Variants in TMBIM4 observed in about 807,000 individuals in gnomAD.
The protein encoded by TMBIM4 is protein lifeguard 4.
Under a neutral mutation model 27.7 loss-of-function variants are expected in TMBIM4, and 28 were observed. That is an observed-to-expected ratio of 1.01 (90% CI 0.75 to 1.38). TMBIM4 has a LOEUF of 1.38. Among genes scored for constraint, TMBIM4 ranks in the 40% most tolerant of loss-of-function variants. The pLI is 0.00. For synonymous variants in TMBIM4, 115 were observed against 113.1 expected (o/e 1.02, Z -0.11); for missense variants, 265 against 277.5 (o/e 0.95, Z 0.32).
At chr12:66,139,878 A>T (rs1354658366) in intron 5 of TMBIM4, among the ~76,000 whole-genome samples, 1 of 152,208 alleles carries the variant, frequency 6.6e-6, no homozygotes, top group East Asian at 1.9e-4. Flanking sequence ...AAGACCTCGT[A>T]AGACATGCAC....
chr12:66,137,914 A>G lies in TMBIM4; in HGVS notation c.*46T>C, dbSNP rs1185629. The G allele has an allele frequency of 0.94, 1,457,002 of 1,548,984 alleles. 685,731 individuals carry two copies. The highest frequency in any genetic ancestry group is 1 in the East Asian group (44,509 of 44,518). The stretch of plus-strand genomic sequence containing the variant: ...CCAATTACTTTAATCCTTTTTTCTC[A>G]TTAAATTTTTTTTGTTGTTCTTCAG... On this transcript the variant is annotated 3_prime_UTR_variant, in exon 7 of 7. Transcript: ENST00000358230.
Position 66,137,866 on chromosome 12 carries a change from G to C in TMBIM4, c.*94C>G, listed in dbSNP as rs2051601945. 1 of 939,198 alleles carries C rather than the reference G, an allele frequency of 1.1e-6. No individual in the cohort carries two copies. Among genetic ancestry groups the C allele is most frequent in the Non-Finnish European group, 1.6e-6 (1 of 620,146 alleles). 58.2% of individuals were successfully genotyped at this position (939,198 alleles called of 1,614,324 possible). A position where few individuals can be genotyped will look rare whatever the true frequency, so the allele number is the denominator to read the frequency against. ...ATTGTTTCAAACTTTATTACTTAAT[G>C]AAACAGTTTCTATATACTGCTTCCA... On this transcript the variant is annotated 3_prime_UTR_variant, in exon 7 of 7. Transcript: ENST00000358230.
At chr12:66,160,083 C>T in intron 1 of TMBIM4, 1 of 652,128 alleles carries the variant, frequency 1.5e-6, no homozygotes, top group Non-Finnish European at 2.8e-6. Flanking sequence ...TACATATCCT[C>T]TACAACTGCT....
chr12:66,169,156 G>T, intron 1 of TMBIM4: 1 of 647,572 alleles, frequency 1.5e-6, no homozygotes, highest in South Asian at 1.7e-5. Flanking sequence ...TGAAAGTCTG[G>T]GGCTGTTTCG....
chr12:66,140,658 T>A (rs893047200), intron 5 of TMBIM4, among the ~76,000 whole-genome samples: 3 of 152,084 alleles, frequency 2.0e-5, no homozygotes, highest in Non-Finnish European at 4.4e-5. Context: ...TCCCAGCTAC[T>A]CAGGAGGTGG....
rs765739396 is a variant in TMBIM4 at position 66,139,694 on chromosome 12, C to G, written c.465-925G>C. On this transcript the variant is annotated intron_variant, in intron 5 of 6. Coordinates refer to ENST00000358230, the MANE Select transcript of TMBIM4 (RefSeq NM_016056.4). ...GAGAACTATCCACCAAAAGTGAGCACTCTGGTGTATGCACAGGATTCCCCT... is the reference window on the plus strand; with the variant it reads ...GAGAACTATCCACCAAAAGTGAGCAGTCTGGTGTATGCACAGGATTCCCCT... 8.8e-6 allele frequency: 4 copies of G among 456,042 alleles called. No individual in the cohort carries two copies. The Admixed American group carries it at 9.4e-5, about 11-fold the overall frequency. 28.2% of individuals were successfully genotyped at this position (456,042 alleles called of 1,614,324 possible). A position where few individuals can be genotyped will look rare whatever the true frequency, so the allele number is the denominator to read the frequency against.
At chr12:66,168,029 G>A (rs138172637) in intron 1 of TMBIM4, among the ~76,000 whole-genome samples, 63 of 152,076 alleles carry the variant, frequency 4.1e-4, no homozygotes, top group African/African-American at 1.5e-3. Flanking sequence ...AGATCGGATG[G>A]GGCAACATGG....
At chr12:66,142,037 A>G (rs1481448772) in intron 5 of TMBIM4, among the ~76,000 whole-genome samples, 2 of 152,204 alleles carry the variant, frequency 1.3e-5, no homozygotes, top group African/African-American at 4.8e-5. Flanking sequence ...TGTCTAGTGC[A>G]CAAAGAACAT....
intron 1 of TMBIM4, among the ~76,000 whole-genome samples, chr12:66,162,534 G>A (rs1434891162): frequency 6.6e-6 from 1 of 152,142 alleles, no homozygotes; most frequent in Non-Finnish European, 1.5e-5. Context: ...GAGGGGCCGG[G>A]GGAAAACTCA....
At chr12:66,142,986 C>T (rs2051693236) in intron 5 of TMBIM4, among the ~76,000 whole-genome samples, 1 of 152,150 alleles carries the variant, frequency 6.6e-6, no homozygotes, top group African/African-American at 2.4e-5. Flanking sequence ...CTTAGGCTCC[C>T]TGGTTAAGCA....
intron 3 of TMBIM4, among the ~76,000 whole-genome samples, chr12:66,151,444 GCCC>G (rs1301537089): frequency 1.2e-4 from 18 of 151,726 alleles, no homozygotes; most frequent in Non-Finnish European, 2.5e-4. Flanking sequence ...TCACTATGTT[GCCC>G]AGGCTGGTCT....
At chr12:66,139,431 A>G (rs866112371) in intron 5 of TMBIM4, among the ~76,000 whole-genome samples, 1 of 152,234 alleles carries the variant, frequency 6.6e-6, no homozygotes, top group African/African-American at 2.4e-5. Flanking sequence ...GACAAAATAT[A>G]TGAAACAACA....
chr12:66,147,098 C>G (rs1395400106), intron 4 of TMBIM4, among the ~76,000 whole-genome samples: 1 of 151,862 alleles, frequency 6.6e-6, no homozygotes, highest in Non-Finnish European at 1.5e-5. Flanking sequence ...TACTTCCTTT[C>G]TCTGTTAAGA....
intron 1 of TMBIM4, among the ~76,000 whole-genome samples, chr12:66,158,362 C>T (rs375000387): frequency 2.6e-5 from 4 of 151,784 alleles, no homozygotes; most frequent in Non-Finnish European, 4.4e-5. Flanking sequence ...ACATTCAGGC[C>T]GGGTGCAGTG....
chr12:66,155,361 G>GAGAGAGAGAGAGAGAGAGAGAGA (rs1353460191), intron 1 of TMBIM4, among the ~76,000 whole-genome samples: 1 of 78,024 alleles, frequency 1.3e-5, no homozygotes, highest in Non-Finnish European at 3.3e-5. Flanking sequence ...AGAGAGAGAG[G>GAGAGAGAGAGAGAGAGAGAGAGA]CAGGGTCTCA....
chr12:66,160,047 T>A, intron 1 of TMBIM4: 1 of 562,846 alleles, frequency 1.8e-6, no homozygotes, highest in East Asian at 3.0e-5. Context: ...TAACTGAAGT[T>A]TTATTGGGAC....
intron 1 of TMBIM4, among the ~76,000 whole-genome samples, chr12:66,156,470 T>A (rs377467788): frequency 6.6e-6 from 1 of 152,160 alleles, no homozygotes; most frequent in Non-Finnish European, 1.5e-5. Context: ...ACCTCCCTAG[T>A]CAAAGTGTGC....
intron 2 of TMBIM4, 106 bp downstream of exon 2, chr12:66,153,234 A>T: frequency 1.4e-6 from 1 of 710,666 alleles, no homozygotes; most frequent in African/African-American, 1.9e-5. Context: ...CCTTTTTTAC[A>T]TTTTAACCTC....
At chr12:66,162,760 C>A (rs566415222) in intron 1 of TMBIM4, among the ~76,000 whole-genome samples, 1 of 152,202 alleles carries the variant, frequency 6.6e-6, no homozygotes, top group Non-Finnish European at 1.5e-5. Context: ...ATATCCCAAG[C>A]TGCAATTTTG....
Sources: gnomAD v4.1 joint callset for allele counts (sites outside exome capture counted in the v4.1 genomes callset) on GRCh38, gnomAD v4.1.1 for gene constraint, MANE v1.5 for transcripts, NCBI Gene and HGNC (gene_info 2026-07-23, HGNC 2026-07-21) for gene names.